CCSER1: variants seen among roughly 807,000 people sequenced by gnomAD.
CCSER1 encodes serine-rich coiled-coil domain-containing protein 1.
A neutral mutation model predicts 82.0 loss-of-function variants in CCSER1; 41 were observed. That is an observed-to-expected ratio of 0.50 (90% CI 0.39 to 0.65). The LOEUF is 0.65. Among genes scored for constraint, CCSER1 ranks in the 30% least tolerant of loss-of-function variants. CCSER1 has a pLI of 0.00. For missense variants in CCSER1, 1,119 were observed against 1,064.2 expected, an observed-to-expected ratio of 1.05 and a Z score of -0.72; for synonymous variants, 414 against 383.9, an observed-to-expected ratio of 1.08 and a Z score of -0.92.
chr4:91,447,608 TTAAA>T (rs1420838886), intron 10 of CCSER1, among the ~76,000 whole-genome samples: 2 of 152,168 alleles, frequency 1.3e-5, no homozygotes, highest in East Asian at 3.9e-4. Context: ...TTCCATGAAG[TTAAA>T]TAAATTTAAT....
intron 3 of CCSER1, among the ~76,000 whole-genome samples, chr4:90,384,657 G>A (rs1190780962): frequency 9.9e-5 from 15 of 152,028 alleles, no homozygotes; most frequent in Admixed American, 9.8e-4. Flanking sequence ...ACTTCCTCTT[G>A]GAGCCACTCC....
At chr4:91,373,870 T>C (rs79611210) in intron 10 of CCSER1, among the ~76,000 whole-genome samples, 2,991 of 152,278 alleles carry the variant, frequency 0.02, 76 homozygotes, top group African/African-American at 0.067. Flanking sequence ...CCAGAGCACA[T>C]ATGAATGATA....
At chr4:91,528,112 G>C (rs1017755682) in intron 10 of CCSER1, among the ~76,000 whole-genome samples, 2 of 151,980 alleles carry the variant, frequency 1.3e-5, no homozygotes, top group African/African-American at 4.8e-5. Flanking sequence ...GTAGAGAAAG[G>C]GTTTCACCAT....
intron 10 of CCSER1, among the ~76,000 whole-genome samples, chr4:91,105,371 T>G (rs1190876556): frequency 1.3e-5 from 2 of 150,976 alleles, no homozygotes; most frequent in African/African-American, 2.4e-5. Flanking sequence ...ACTTTGAAAC[T>G]TGATCACATT....
chr4:91,146,107 G>T (rs1729509449), intron 10 of CCSER1, among the ~76,000 whole-genome samples: 1 of 152,012 alleles, frequency 6.6e-6, no homozygotes, highest in Admixed American at 6.6e-5. Context: ...TTTCTTGGAG[G>T]CTTTGTTCAT....
chr4:90,618,382 A>G (rs1721691214), intron 5 of CCSER1, among the ~76,000 whole-genome samples: 1 of 151,988 alleles, frequency 6.6e-6, no homozygotes. Context: ...CCACATCTTG[A>G]ATATTATAAC....
intron 6 of CCSER1, among the ~76,000 whole-genome samples, chr4:90,662,527 T>A (rs1731014317): frequency 6.6e-6 from 1 of 152,134 alleles, no homozygotes; most frequent in Non-Finnish European, 1.5e-5. Context: ...AAGTAAATGT[T>A]TTTTAGTCTC....
intron 10 of CCSER1, among the ~76,000 whole-genome samples, chr4:91,264,971 CTGT>C (rs1741464278): frequency 1.3e-5 from 2 of 151,708 alleles, no homozygotes; most frequent in African/African-American, 4.8e-5. Flanking sequence ...GTTTTTCTTT[CTGT>C]TGTTTGGCTA....
At chr4:90,890,716 A>T (rs576797509) in intron 8 of CCSER1, among the ~76,000 whole-genome samples, 1 of 151,952 alleles carries the variant, frequency 6.6e-6, no homozygotes, top group East Asian at 1.9e-4. Flanking sequence ...TGACTTCCTC[A>T]CTCTACTGCT....
At chr4:91,091,771 C>T (rs534126446) in intron 10 of CCSER1, among the ~76,000 whole-genome samples, 7 of 152,196 alleles carry the variant, frequency 4.6e-5, no homozygotes, top group East Asian at 3.9e-4. Context: ...GTCAGGATAA[C>T]GGTCTTGGGT....
At chr4:91,091,098 G>A (rs761160386) in intron 10 of CCSER1, among the ~76,000 whole-genome samples, 17 of 151,952 alleles carry the variant, frequency 1.1e-4, no homozygotes, top group African/African-American at 2.9e-4. Context: ...ACTTATTTTC[G>A]GTCATGTATC....
chr4:91,126,875 G>T (rs1727566135), intron 10 of CCSER1, among the ~76,000 whole-genome samples: 1 of 151,700 alleles, frequency 6.6e-6, no homozygotes, highest in Non-Finnish European at 1.5e-5. Context: ...ATAAACCTGG[G>T]ATTGAAGATA....
chr4:90,580,345 A>G (rs1236991248), intron 5 of CCSER1, among the ~76,000 whole-genome samples: 2 of 152,272 alleles, frequency 1.3e-5, no homozygotes, highest in East Asian at 3.9e-4. Flanking sequence ...TATAAAATGC[A>G]AAGTGTTGGC....
At chr4:91,347,497 T>G (rs1382430243) in intron 10 of CCSER1, among the ~76,000 whole-genome samples, 1 of 152,012 alleles carries the variant, frequency 6.6e-6, no homozygotes, top group Non-Finnish European at 1.5e-5. Context: ...TTTTTTTGCA[T>G]CCACAAAATG....
chr4:91,562,414 A>C lies in CCSER1; in HGVS notation c.2218-36158A>C, dbSNP rs973308475. Among the ~76,000 whole-genome samples the C allele has an allele frequency of 2.6e-5, 4 of 151,490 alleles. No homozygotes were observed. In the Admixed American group the frequency reaches 2.6e-4, roughly 10 times the overall value. ...TGTACTAAGTATCATTGTTTTCAGAATATTCTCCTTCAAGCTGTTGTGTGT... is the reference window on the plus strand; with the variant it reads ...TGTACTAAGTATCATTGTTTTCAGACTATTCTCCTTCAAGCTGTTGTGTGT... On this transcript the variant is annotated intron_variant, in intron 10 of 10. Transcript: ENST00000509176.
At chr4:90,519,207 T>C (rs1453290537) in intron 5 of CCSER1, among the ~76,000 whole-genome samples, 1 of 151,902 alleles carries the variant, frequency 6.6e-6, no homozygotes, top group Non-Finnish European at 1.5e-5. Context: ...GTGCCAGATA[T>C]TCTTCTACCT....
intron 10 of CCSER1, among the ~76,000 whole-genome samples, chr4:91,287,362 C>T (rs1581907228): frequency 6.6e-6 from 1 of 151,906 alleles, no homozygotes; most frequent in East Asian, 1.9e-4. Flanking sequence ...AGTTTATTTC[C>T]TGTCATTTCC....
chr4:90,791,282 T>C (rs1368380085), intron 7 of CCSER1, among the ~76,000 whole-genome samples: 1 of 152,166 alleles, frequency 6.6e-6, no homozygotes, highest in African/African-American at 2.4e-5. Flanking sequence ...GAGATTTGGG[T>C]AGGGACACAG....
At chr4:91,226,482 T>C (rs1003528579) in intron 10 of CCSER1, among the ~76,000 whole-genome samples, 17 of 151,916 alleles carry the variant, frequency 1.1e-4, no homozygotes, top group African/African-American at 4.1e-4. Context: ...TAAATACAAA[T>C]AGGGCAGAAT....
Sources: gnomAD v4.1 joint callset for allele counts (sites outside exome capture counted in the v4.1 genomes callset) on GRCh38, gnomAD v4.1.1 for gene constraint, MANE v1.5 for transcripts, NCBI Gene and HGNC (gene_info 2026-07-23, HGNC 2026-07-21) for gene names.